RAD51B: variants seen among roughly 807,000 people sequenced by gnomAD.
The protein encoded by RAD51B is RAD51 paralog B, also known as DNA repair protein RAD51 homolog 2.
Under a neutral mutation model 42.2 loss-of-function variants are expected in RAD51B, and 38 were observed. That is an observed-to-expected ratio of 0.90 (90% confidence interval 0.70 to 1.18). RAD51B has a LOEUF of 1.18. Ranked by LOEUF, RAD51B falls within the 50% of genes most tolerant of loss-of-function variation. The pLI, the probability that RAD51B is intolerant of heterozygous loss-of-function variation, is 0.00. For synonymous variants in RAD51B, 154 were observed against 145.2 expected, an observed-to-expected ratio of 1.06 and a Z score of -0.43; for missense variants, 373 against 400.7, an observed-to-expected ratio of 0.93 and a Z score of 0.59.
chr14:68,411,627 C>T, intron 9 of RAD51B, 100 bp downstream of exon 9: 2 of 1,104,226 alleles, frequency 1.8e-6, no homozygotes, highest in South Asian at 2.7e-5. Context: ...ATTGTCTGTC[C>T]TGAGCCAGCA....
chr14:68,321,609 G>A (rs1418786663), intron 8 of RAD51B, among the ~76,000 whole-genome samples: 4 of 152,174 alleles, frequency 2.6e-5, no homozygotes, highest in African/African-American at 9.7e-5. Context: ...ACCCAGAGAG[G>A]CAGCACAAGG....
At chr14:68,258,274 A>G (rs2080797173) in intron 7 of RAD51B, among the ~76,000 whole-genome samples, 1 of 152,038 alleles carries the variant, frequency 6.6e-6, no homozygotes, top group Admixed American at 6.6e-5. Context: ...GGTGGTGTTC[A>G]CTTATAGTCC....
At chr14:68,156,345 G>A (rs1275489384) in intron 7 of RAD51B, among the ~76,000 whole-genome samples, 2 of 152,020 alleles carry the variant, frequency 1.3e-5, no homozygotes, top group African/African-American at 2.4e-5. Context: ...CTATAACATT[G>A]TTATTCCTAG....
At chr14:68,189,084 T>C (rs1223821674) in intron 7 of RAD51B, among the ~76,000 whole-genome samples, 1 of 152,066 alleles carries the variant, frequency 6.6e-6, no homozygotes, top group East Asian at 1.9e-4. Flanking sequence ...TAATTTTTTA[T>C]TGTGTAATTT....
At chr14:67,992,281 G>C (rs1054503672) in intron 7 of RAD51B, among the ~76,000 whole-genome samples, 1 of 152,148 alleles carries the variant, frequency 6.6e-6, no homozygotes, top group African/African-American at 2.4e-5. Flanking sequence ...TGGAAGGAAG[G>C]TTAGAATGAG....
chr14:67,976,365 A>G (rs1240071899), intron 7 of RAD51B, among the ~76,000 whole-genome samples: 1 of 151,770 alleles, frequency 6.6e-6, no homozygotes, highest in Non-Finnish European at 1.5e-5. Flanking sequence ...CGATCCTCTC[A>G]TGTTGGCCTC....
intron 4 of RAD51B, among the ~76,000 whole-genome samples, chr14:67,839,438 TTA>T (rs1351769667): frequency 6.6e-6 from 1 of 152,114 alleles, no homozygotes; most frequent in Non-Finnish European, 1.5e-5. Flanking sequence ...TCCATTTTCT[TTA>T]TGTTTTCAAA....
intron 5 of RAD51B, among the ~76,000 whole-genome samples, chr14:67,867,108 A>G (rs11849285): frequency 0.027 from 4,171 of 152,280 alleles, 198 homozygotes; most frequent in African/African-American, 0.095. Flanking sequence ...TCTCCGATAT[A>G]TATGCCAGAT....
chr14:68,602,800 G>A (rs11158752), intron 10 of RAD51B, among the ~76,000 whole-genome samples: 42,080 of 151,962 alleles, frequency 0.28, 6,360 homozygotes, highest in East Asian at 0.53. Context: ...CGAGATATCC[G>A]GGTACTATGA....
chr14:68,649,630 C>T (rs917627990), intron 10 of RAD51B, among the ~76,000 whole-genome samples: 2 of 152,216 alleles, frequency 1.3e-5, no homozygotes, highest in Non-Finnish European at 2.9e-5. Flanking sequence ...AATAATTGGT[C>T]ATCGTTGGTT....
intron 7 of RAD51B, among the ~76,000 whole-genome samples, chr14:68,095,741 C>T (rs565013991): frequency 5.3e-5 from 8 of 151,826 alleles, no homozygotes; most frequent in South Asian, 2.1e-4. Flanking sequence ...TTTGGGAGCC[C>T]GAGGTGGGCG....
chr14:67,836,100 G>C (rs2041232655), intron 4 of RAD51B, among the ~76,000 whole-genome samples: 1 of 152,120 alleles, frequency 6.6e-6, no homozygotes. Flanking sequence ...AAACTAAGTG[G>C]CTTAAAACAA....
intron 7 of RAD51B, among the ~76,000 whole-genome samples, chr14:68,225,180 G>A (rs1250118684): frequency 6.6e-6 from 1 of 152,088 alleles, no homozygotes; most frequent in Admixed American, 6.5e-5. Context: ...TAAGTAAATT[G>A]TACTTCAGCA....
intron 7 of RAD51B, among the ~76,000 whole-genome samples, chr14:68,227,114 C>T (rs567770751): frequency 4.6e-5 from 7 of 152,262 alleles, no homozygotes; most frequent in East Asian, 1.9e-4. Flanking sequence ...CAGGCCTCCT[C>T]GTCACAAGTG....
At chr14:68,523,955 G>A (rs932250239) in intron 10 of RAD51B, among the ~76,000 whole-genome samples, 4 of 152,176 alleles carry the variant, frequency 2.6e-5, no homozygotes, top group African/African-American at 7.2e-5. Context: ...TGGTCTGGTG[G>A]CATCAAAATG....
At chr14:68,359,229 CT>C (rs1353173683) in intron 8 of RAD51B, among the ~76,000 whole-genome samples, 1 of 152,058 alleles carries the variant, frequency 6.6e-6, no homozygotes, top group Non-Finnish European at 1.5e-5. Context: ...GAATTGGCTA[CT>C]CCATAAGGCA....
At chr14:68,446,302 A>G (rs1348020338) in intron 9 of RAD51B, among the ~76,000 whole-genome samples, 1 of 152,218 alleles carries the variant, frequency 6.6e-6, no homozygotes, top group Non-Finnish European at 1.5e-5. Flanking sequence ...AGAGACTCTG[A>G]AGTGACTTGT....
intron 7 of RAD51B, among the ~76,000 whole-genome samples, chr14:67,990,756 GA>G (rs1445988681): frequency 6.6e-6 from 1 of 152,156 alleles, no homozygotes; most frequent in East Asian, 1.9e-4. Context: ...AGTACTTTGG[GA>G]TTTTTTTTAA....
chr14:67,952,045 C>G (rs1253237212), intron 7 of RAD51B, among the ~76,000 whole-genome samples: 3 of 152,120 alleles, frequency 2.0e-5, no homozygotes, highest in Non-Finnish European at 4.4e-5. Flanking sequence ...GTCTAAGTCA[C>G]TGTTTCCAGT....
Sources: allele counts gnomAD v4.1 joint callset (sites outside exome capture counted in the v4.1 genomes callset), GRCh38; gene constraint gnomAD v4.1.1; transcripts MANE v1.5; gene names NCBI Gene and HGNC (gene_info 2026-07-23, HGNC 2026-07-21).